The following PDGFC variants were observed in gnomAD, a reference collection of about 807,000 sequenced individuals.
The protein encoded by PDGFC is platelet-derived growth factor C.
PDGFC carries 12 observed loss-of-function variants against 35.5 expected under a neutral mutation model. The observed-to-expected ratio is 0.34, with a 90% CI of 0.22 to 0.55. The LOEUF (loss-of-function observed/expected upper bound fraction) is 0.55. Among genes scored for constraint, PDGFC ranks in the 20% least tolerant of loss-of-function variants. PDGFC has a pLI of 0.91. For synonymous variants in PDGFC, 159 were observed against 148.8 expected (o/e 1.07, Z -0.50); for missense variants, 322 against 412.4 (o/e 0.78, Z 1.90).
At chr4:156,825,593 TA>T (rs1267062505) in intron 2 of PDGFC, among the ~76,000 whole-genome samples, 34 of 62,186 alleles carry the variant, frequency 5.5e-4, no homozygotes, top group African/African-American at 1.5e-3. Context: ...ATAATAATAA[TA>T]AGAAGAAGAA....
chr4:156,952,090 A>G (rs1023671380), intron 1 of PDGFC, among the ~76,000 whole-genome samples: 1 of 151,872 alleles, frequency 6.6e-6, no homozygotes, highest in Admixed American at 6.6e-5. Context: ...AAGACACAAT[A>G]TATTTAGGCA....
chr4:156,809,147 G>T (rs1731855189), intron 3 of PDGFC, among the ~76,000 whole-genome samples: 1 of 151,892 alleles, frequency 6.6e-6, no homozygotes, highest in African/African-American at 2.4e-5. Flanking sequence ...GCCACACAAA[G>T]CCTGGCTCAA....
At chr4:156,768,704 G>A (rs940295382) in intron 4 of PDGFC, among the ~76,000 whole-genome samples, 1 of 152,004 alleles carries the variant, frequency 6.6e-6, no homozygotes, top group Non-Finnish European at 1.5e-5. Context: ...ATGGGTGGAA[G>A]AAATGTTTAA....
intron 1 of PDGFC, among the ~76,000 whole-genome samples, chr4:156,940,062 T>C (rs916118843): frequency 1.3e-5 from 2 of 152,138 alleles, no homozygotes; most frequent in Non-Finnish European, 2.9e-5. Context: ...ATTAGTCACA[T>C]ATGAAAGCGT....
At chr4:156,939,965 T>G (rs1731767860) in intron 1 of PDGFC, among the ~76,000 whole-genome samples, 1 of 152,104 alleles carries the variant, frequency 6.6e-6, no homozygotes, top group African/African-American at 2.4e-5. Flanking sequence ...AGAAGCACTG[T>G]TCCCTACATA....
intron 1 of PDGFC, among the ~76,000 whole-genome samples, chr4:156,968,189 T>C (rs78712710): frequency 0.032 from 4,858 of 152,264 alleles, 257 homozygotes; most frequent in African/African-American, 0.11. Context: ...AGGTACCTGA[T>C]TGAGTAATCA....
intron 2 of PDGFC, among the ~76,000 whole-genome samples, chr4:156,816,662 C>A (rs1732095365): frequency 6.6e-6 from 1 of 152,104 alleles, no homozygotes. Context: ...GTCACACCAG[C>A]AACTAACTGC....
intron 1 of PDGFC, among the ~76,000 whole-genome samples, chr4:156,934,079 G>C (rs1251090939): frequency 6.6e-6 from 1 of 152,148 alleles, no homozygotes; most frequent in Non-Finnish European, 1.5e-5. Flanking sequence ...AGTGCCTTGT[G>C]CTTAATGTTA....
chr4:156,766,506 C>A (rs1020391374), intron 5 of PDGFC, among the ~76,000 whole-genome samples: 27 of 152,182 alleles, frequency 1.8e-4, no homozygotes, highest in African/African-American at 6.5e-4. Flanking sequence ...ATACATGTAT[C>A]AGGAAACCAT....
intron 1 of PDGFC, among the ~76,000 whole-genome samples, chr4:156,953,212 C>CA (rs999412710): frequency 2.6e-5 from 4 of 151,882 alleles, no homozygotes; most frequent in Non-Finnish European, 5.9e-5. Context: ...CCTTCTTGCA[C>CA]AAAACATTCC....
In PDGFC at chr4:156,956,678, T is replaced by C. The variant is rs553556083; in HGVS notation, c.118+14108A>G. Among the ~76,000 whole-genome samples the C allele has an allele frequency of 8.5e-5, 13 of 152,176 alleles. No homozygotes were observed. The East Asian group carries it at 2.1e-3, about 25-fold the overall frequency. ...ATGAGGAAATTTAAAAATGTAAAGA[T>C]AATTATTTTACCTAAAAATAGCAAT... On this transcript the variant is annotated intron_variant, in intron 1 of 5. Transcript: ENST00000502773.
intron 1 of PDGFC, among the ~76,000 whole-genome samples, chr4:156,893,618 A>C (rs982052298): frequency 1.3e-5 from 2 of 151,872 alleles, no homozygotes; most frequent in African/African-American, 4.8e-5. Flanking sequence ...GATTACAGGC[A>C]AGAACCACCA....
intron 2 of PDGFC, among the ~76,000 whole-genome samples, chr4:156,825,066 T>C (rs1462536759): frequency 2.6e-5 from 4 of 152,130 alleles, no homozygotes; most frequent in Admixed American, 2.6e-4. Context: ...AATTAACATA[T>C]CTAGATTTAA....
intron 1 of PDGFC, among the ~76,000 whole-genome samples, chr4:156,883,550 G>T (rs999170205): frequency 2.6e-5 from 4 of 152,174 alleles, no homozygotes; most frequent in African/African-American, 9.7e-5. Flanking sequence ...AGTATTGATT[G>T]ATTGCTTTGA....
At chr4:156,829,635 A>G (rs1294271471) in intron 2 of PDGFC, among the ~76,000 whole-genome samples, 2 of 152,098 alleles carry the variant, frequency 1.3e-5, no homozygotes, top group Non-Finnish European at 2.9e-5. Flanking sequence ...CTCTTGTGTC[A>G]CCAGAAAATT....
At chr4:156,892,907 G>C (rs1467428627) in intron 1 of PDGFC, among the ~76,000 whole-genome samples, 1 of 152,142 alleles carries the variant, frequency 6.6e-6, no homozygotes, top group South Asian at 2.1e-4. Context: ...TGGTATTTTA[G>C]AGGACTTGAC....
intron 2 of PDGFC, among the ~76,000 whole-genome samples, chr4:156,814,491 T>C (rs931989767): frequency 8.5e-5 from 13 of 152,216 alleles, no homozygotes; most frequent in African/African-American, 2.2e-4. Context: ...AAAAGTATCA[T>C]TGGATTTGGC....
intron 1 of PDGFC, among the ~76,000 whole-genome samples, chr4:156,907,671 T>C (rs1034310395): frequency 6.6e-6 from 1 of 152,116 alleles, no homozygotes; most frequent in African/African-American, 2.4e-5. Context: ...CATCTCAAGA[T>C]GGATGTGGTG....
chr4:156,915,887 C>T (rs1054759292), intron 1 of PDGFC, among the ~76,000 whole-genome samples: 6 of 152,066 alleles, frequency 3.9e-5, no homozygotes, highest in Admixed American at 1.3e-4. Flanking sequence ...ATAGAAGCAA[C>T]GGCTTTTCCT....
Sources: allele counts gnomAD v4.1 joint callset (sites outside exome capture counted in the v4.1 genomes callset), GRCh38; gene constraint gnomAD v4.1.1; transcripts MANE v1.5; gene names NCBI Gene and HGNC (gene_info 2026-07-23, HGNC 2026-07-21).